NETO2: variants seen among roughly 807,000 people sequenced by gnomAD.
The protein encoded by NETO2 is neuropilin and tolloid-like protein 2.
A neutral mutation model predicts 62.5 loss-of-function variants in NETO2; 28 were observed. The observed-to-expected ratio is 0.45, with a 90% CI of 0.33 to 0.61. The LOEUF is 0.61. Among genes scored for constraint, NETO2 ranks in the 20% least tolerant of loss-of-function variants. NETO2 has a pLI of 0.02. For synonymous variants in NETO2, 214 were observed against 219.1 expected, an observed-to-expected ratio of 0.98 and a Z score of 0.21; for missense variants, 548 against 643.2, an observed-to-expected ratio of 0.85 and a Z score of 1.60.
chr16:47,090,117 C>T (rs530360556), intron 7 of NETO2, among the ~76,000 whole-genome samples: 6 of 152,088 alleles, frequency 3.9e-5, no homozygotes, highest in Non-Finnish European at 1.5e-5. Flanking sequence ...GTGACCCCCC[C>T]CTTTGATGGC....
At chr16:47,138,702 C>T (rs753484191) in intron 1 of NETO2, among the ~76,000 whole-genome samples, 1 of 152,238 alleles carries the variant, frequency 6.6e-6, no homozygotes, top group Non-Finnish European at 1.5e-5. Flanking sequence ...CAGCCAGTGA[C>T]CTTTTCAAAA....
chr16:47,086,585 T>G (rs1258217623), intron 7 of NETO2, among the ~76,000 whole-genome samples: 1 of 152,190 alleles, frequency 6.6e-6, no homozygotes, highest in Admixed American at 6.5e-5. Context: ...TTTTCAATGG[T>G]TCTTATGGAA....
At position 47,141,035 on chromosome 16, in the gene NETO2, G is replaced by C. The variant is rs547016164; in HGVS notation, c.34+2544C>G. 1.6e-3 allele frequency among the ~76,000 whole-genome samples: 250 copies of C among 152,308 alleles called. 2 individuals carry two copies. The highest frequency in any genetic ancestry group is 2.7e-3 in the Non-Finnish European group (186 of 68,008). On this transcript the variant is annotated intron_variant, in intron 1 of 8. Coordinates refer to ENST00000562435, the MANE Select transcript of NETO2 (RefSeq NM_018092.5). ...TTCTGTGAGGCCTAGAGTGATCACA[G>C]CTAAAAGTGAATTTTTTAGTTTCAA...
intron 2 of NETO2, 79 bp from the exon 3 acceptor site, chr16:47,129,443 C>T (rs1008237142): frequency 1.3e-5 from 19 of 1,412,656 alleles, no homozygotes; most frequent in African/African-American, 1.1e-4. Context: ...ACTTTCCAAA[C>T]GATTGCTCAC....
chr16:47,131,501 AAAC>A (rs1325545022), intron 2 of NETO2, among the ~76,000 whole-genome samples: 2 of 152,348 alleles, frequency 1.3e-5, no homozygotes, highest in African/African-American at 2.4e-5. Flanking sequence ...AATAAAAAAC[AAAC>A]AACATTACAC....
intron 2 of NETO2, 67 bp downstream of exon 2, chr16:47,131,902 C>T: frequency 2.3e-6 from 3 of 1,322,624 alleles, no homozygotes; most frequent in Non-Finnish European, 1.1e-6. Context: ...CCAAAAGTTG[C>T]AATCCTTTCA....
intron 2 of NETO2, among the ~76,000 whole-genome samples, chr16:47,130,343 T>C (rs538046867): frequency 3.9e-4 from 60 of 152,248 alleles, no homozygotes; most frequent in African/African-American, 1.3e-3. Context: ...TAACTGATCC[T>C]TGCCCACACC....
intron 6 of NETO2, 148 bp downstream of exon 6, chr16:47,122,509 T>C (rs912584139): frequency 2.3e-6 from 2 of 856,376 alleles, no homozygotes; most frequent in African/African-American, 3.4e-5. Flanking sequence ...TAGATGCCAA[T>C]AAAGTAAGTG....
At chr16:47,086,136 G>C (rs906410571) in intron 8 of NETO2, 90 bp downstream of exon 8, 31 of 808,732 alleles carry the variant, frequency 3.8e-5, no homozygotes, top group Non-Finnish European at 6.0e-5. Context: ...GCTATGCTAA[G>C]CACTGTTGTA....
intron 4 of NETO2, among the ~76,000 whole-genome samples, chr16:47,126,641 T>C (rs540224113): frequency 2.6e-5 from 4 of 152,170 alleles, no homozygotes; most frequent in Admixed American, 6.5e-5. Flanking sequence ...GTGATAATGA[T>C]GCATGGATGT....
chr16:47,143,764 G>A lies in NETO2; in HGVS notation c.-152C>T. The A allele has an allele frequency of 9.4e-7, 1 of 1,067,792 alleles. No individual in the cohort carries two copies. Among genetic ancestry groups the A allele is most frequent in the Non-Finnish European group, 1.2e-6 (1 of 847,070 alleles). The allele number at this position is 1,067,792 out of a possible 1,614,324, so 66.1% of individuals were successfully genotyped here. On this transcript the variant is annotated 5_prime_UTR_variant, in exon 1 of 9. Coordinates refer to ENST00000562435, the MANE Select transcript of NETO2 (RefSeq NM_018092.5). ...CTCCCCTGAGGAGAGCTCAGGTCCT[G>A]CGGCCCGCCATGCCCGAGCCCCACA...
Position 47,083,775 on chromosome 16 carries a change from G to T in NETO2, c.1024C>A (p.Gln342Lys), listed in dbSNP as rs1450133934. 2 of 1,593,298 alleles carry T rather than the reference G, an allele frequency of 1.3e-6. No individual in the cohort carries two copies. Among genetic ancestry groups the T allele is most frequent in the Admixed American group, 3.5e-5 (2 of 57,894 alleles). ...KEKKKAGVFE[Q>K]ITKTHGTIIG... ...ATTGTTCCATGAGTCTTAGTGATTT[G>T]TTCAAATACTCCTGCTTTTTTCTTT... Residue 342 changes from glutamine to lysine, a missense_variant, in exon 9 of 9, where the codon CAA becomes AAA. Transcript: ENST00000562435.
chr16:47,096,048 C>G (rs1963421595), intron 7 of NETO2, among the ~76,000 whole-genome samples: 2 of 152,110 alleles, frequency 1.3e-5, no homozygotes, highest in South Asian at 2.1e-4. Context: ...ACTACACACT[C>G]TTACACAACT....
chr16:47,087,154 GAGT>G (rs1310622970), intron 7 of NETO2, among the ~76,000 whole-genome samples: 1 of 151,688 alleles, frequency 6.6e-6, no homozygotes, highest in African/African-American at 2.4e-5. Context: ...TCAGCCTCCA[GAGT>G]AGCTGGGACT....
In NETO2 at chr16:47,109,497, G is replaced by GTT. The variant is rs1963744150; in HGVS notation, c.868_869insAA (p.Thr290LysfsTer26). 1 of 1,613,068 alleles carries GTT rather than the reference G, an allele frequency of 6.2e-7. No homozygotes were observed. The highest frequency in any genetic ancestry group is 8.5e-7 in the Non-Finnish European group (1 of 1,179,200). On this transcript the variant is annotated frameshift_variant, in exon 7 of 9. Coordinates refer to ENST00000562435, the MANE Select transcript of NETO2 (RefSeq NM_018092.5). LOFTEE classifies it high-confidence loss of function. ...TATTTACTTACGCTCCACAAAGGAA[G>GTT]TAAAGAGCATTCGAAACCTGCTAAG...
chr16:47,111,190 A>G (rs554357697), intron 6 of NETO2, among the ~76,000 whole-genome samples: 18 of 152,328 alleles, frequency 1.2e-4, no homozygotes, highest in African/African-American at 4.1e-4. Context: ...TTCATCCAGT[A>G]TAATTCTTGC....
intron 1 of NETO2, 89 bp from the exon 2 acceptor site, chr16:47,132,114 G>T (rs1964278399): frequency 2.0e-6 from 2 of 992,874 alleles, no homozygotes; most frequent in Non-Finnish European, 1.6e-6. Flanking sequence ...GACAAAAAAA[G>T]ATTAACTAAA....
At chr16:47,143,556 G>T in intron 1 of NETO2, 23 bp downstream of exon 1, 1 of 1,223,014 alleles carries the variant, frequency 8.2e-7, no homozygotes, top group Non-Finnish European at 1.0e-6. Context: ...GGCGCCGTCC[G>T]TGGCCCCAGC....
intron 1 of NETO2, among the ~76,000 whole-genome samples, chr16:47,141,514 C>T (rs1010486589): frequency 2.0e-5 from 3 of 151,288 alleles, no homozygotes; most frequent in South Asian, 2.1e-4. Context: ...TGCAGTGAAA[C>T]CAGTCTTCCC....
Sources: allele counts gnomAD v4.1 joint callset (sites outside exome capture counted in the v4.1 genomes callset), GRCh38; gene constraint gnomAD v4.1.1; transcripts MANE v1.5; gene names NCBI Gene and HGNC (gene_info 2026-07-23, HGNC 2026-07-21).